ABHD12: variants seen among roughly 807,000 people sequenced by gnomAD.
ABHD12 encodes the protein abhydrolase domain containing 12, lysophospholipase, also known as lysophosphatidylserine lipase ABHD12.
ABHD12 carries 43 observed loss-of-function variants against 58.3 expected under a neutral mutation model. The ratio of observed to expected loss-of-function variants is 0.74; its 90% CI spans 0.58 to 0.95. The LOEUF (loss-of-function observed/expected upper bound fraction) is 0.95. ABHD12 is among the 40% of genes least tolerant of loss of function. The pLI is 0.00. For synonymous variants in ABHD12, 219 were observed against 211.2 expected, an observed-to-expected ratio of 1.04 and a Z score of -0.32; for missense variants, 539 against 537.2, an observed-to-expected ratio of 1.00 and a Z score of -0.03.
rs188918838 is a variant in ABHD12, at chr20:25,294,827, T to G, written c.*146A>C. 8.0e-5 allele frequency: 66 copies of G among 828,386 alleles called. 1 individual carries two copies. Among genetic ancestry groups the G allele is most frequent in the Non-Finnish European group, 1.2e-4 (58 of 477,048 alleles). The allele number at this position is 828,386 out of a possible 1,614,324, so 51.3% of individuals were successfully genotyped here. On this transcript the variant is annotated 3_prime_UTR_variant, in exon 13 of 13. Coordinates refer to the ABHD12 transcript ENST00000376542. ...CTAGAGTTACAGACTTTGTAAGGTT[T>G]GCAGCTCAGGGCAGTTCTTCACCGT...
At chr20:25,299,548 C>T (rs1162357891), downstream of ABHD12, among the ~76,000 whole-genome samples, 1 of 152,048 alleles carries the variant, frequency 6.6e-6, no homozygotes, top group Non-Finnish European at 1.5e-5. Context: ...AGTGGGTCAC[C>T]TCTGCTTCGT....
At chr20:25,330,666 G>A (rs376181704) in intron 2 of ABHD12, among the ~76,000 whole-genome samples, 6 of 152,182 alleles carry the variant, frequency 3.9e-5, no homozygotes, top group East Asian at 1.9e-4. Context: ...CCTGACCCCC[G>A]AGCAGCCTAA....
chr20:25,312,195 T>G (rs534372012), intron 6 of ABHD12, among the ~76,000 whole-genome samples: 26 of 151,574 alleles, frequency 1.7e-4, no homozygotes, highest in Admixed American at 3.3e-4. Context: ...GGTCTCCCTC[T>G]CCCTCTCTTT....
intron 12 of ABHD12, 91 bp from the exon 13 acceptor site, chr20:25,300,975 G>C (rs2088625689): frequency 5.7e-6 from 8 of 1,394,096 alleles, no homozygotes; most frequent in African/African-American, 1.4e-5. Context: ...AGGAAGCAGA[G>C]GCTGTGCAGA....
chr20:25,326,155 G>GAGGA (rs796686857), intron 2 of ABHD12, among the ~76,000 whole-genome samples: 3 of 144,822 alleles, frequency 2.1e-5, no homozygotes, highest in East Asian at 2.1e-4. Flanking sequence ...AGAGAAGAGA[G>GAGGA]AGGAAGGAAG....
intron 11 of ABHD12, chr20:25,303,137 C>G (rs1170455107): frequency 2.2e-5 from 19 of 858,856 alleles, no homozygotes; most frequent in Middle Eastern, 5.2e-4. Flanking sequence ...ACTGTGACCC[C>G]TGCAATGGGC....
At chr20:25,348,684 T>C (rs1334604707) in intron 1 of ABHD12, among the ~76,000 whole-genome samples, 1 of 152,030 alleles carries the variant, frequency 6.6e-6, no homozygotes, top group Non-Finnish European at 1.5e-5. Flanking sequence ...AAAAAACTAA[T>C]TAAACCTTTC....
intron 1 of ABHD12, among the ~76,000 whole-genome samples, chr20:25,387,168 A>G (rs2090102086): frequency 6.6e-6 from 1 of 152,246 alleles, no homozygotes; most frequent in South Asian, 2.1e-4. Flanking sequence ...CTTAAATGGC[A>G]AAAACACTAA....
chr20:25,311,995 A>G (rs1600776343), intron 6 of ABHD12, among the ~76,000 whole-genome samples: 1 of 151,944 alleles, frequency 6.6e-6, no homozygotes, highest in East Asian at 2.0e-4. Flanking sequence ...GGCGTGAGCC[A>G]CCGTGCCCAG....
chr20:25,299,090 C>CTG (rs10627378), downstream of ABHD12, among the ~76,000 whole-genome samples: 98,940 of 151,978 alleles, frequency 0.65, 33,830 homozygotes, highest in East Asian at 0.99. Flanking sequence ...TCTGCATCAT[C>CTG]TCAGTTTTGT....
intron 1 of ABHD12, among the ~76,000 whole-genome samples, chr20:25,381,556 T>C (rs928933427): frequency 2.0e-5 from 3 of 152,030 alleles, no homozygotes; most frequent in Non-Finnish European, 4.4e-5. Context: ...AGACTCTTAA[T>C]TGTTTGGGGC....
At chr20:25,310,276 T>A (rs538481454) in intron 6 of ABHD12, 1 of 152,528 alleles carries the variant, frequency 6.6e-6, no homozygotes, top group East Asian at 1.9e-4. Flanking sequence ...GGAGGGCATT[T>A]CTGGGTTCAA....
chr20:25,359,192 C>T (rs947085950), intron 1 of ABHD12, among the ~76,000 whole-genome samples: 2 of 151,106 alleles, frequency 1.3e-5, no homozygotes, highest in African/African-American at 2.4e-5. Flanking sequence ...GAGGCCGAGG[C>T]GGGTGGATCA....
intron 6 of ABHD12, among the ~76,000 whole-genome samples, chr20:25,312,433 G>A (rs1046896511): frequency 2.0e-5 from 3 of 150,594 alleles, no homozygotes; most frequent in African/African-American, 7.4e-5. Flanking sequence ...TGCCAGCATC[G>A]GCCTCCACAG....
At chr20:25,384,389 A>T (rs1264549999) in intron 1 of ABHD12, among the ~76,000 whole-genome samples, 5 of 151,296 alleles carry the variant, frequency 3.3e-5, no homozygotes, top group Non-Finnish European at 7.4e-5. Context: ...AATGTTAAAA[A>T]AGTTGGCAAT....
At chr20:25,338,911 C>T in intron 2 of ABHD12, 1 of 1,178,796 alleles carries the variant, frequency 8.5e-7, no homozygotes, top group Non-Finnish European at 1.1e-6. Flanking sequence ...TACGCTGGTC[C>T]CCCAGGGCAG....
Position 25,300,943 on chromosome 20 carries a change from A to G in ABHD12, c.1158-59T>C, listed in dbSNP as rs1038474068. ...GAGCTCAGACCAAAGATCCTTCTCC[A>G]CAGTCCTCACACTGCTATCTAAGGA... is the stretch of plus-strand genomic sequence containing the variant. On this transcript the variant is annotated intron_variant, in intron 12 of 12. Transcript: ENST00000339157. 2.3e-5 allele frequency: 36 copies of G among 1,545,554 alleles called. No homozygotes were observed. The African/African-American group carries it at 4.5e-4, about 19-fold the overall frequency.
chr20:25,346,120 A>T (rs575856966), intron 1 of ABHD12, among the ~76,000 whole-genome samples: 3 of 152,316 alleles, frequency 2.0e-5, no homozygotes, highest in Non-Finnish European at 4.4e-5. Context: ...ATGGAATATT[A>T]TTCAGTGCTA....
chr20:25,353,861 C>G (rs920393375), intron 1 of ABHD12, among the ~76,000 whole-genome samples: 1 of 152,210 alleles, frequency 6.6e-6, no homozygotes, highest in African/African-American at 2.4e-5. Flanking sequence ...AACGTCAGGC[C>G]GTGGTTTCTG....
Sources: allele counts gnomAD v4.1 joint callset (sites outside exome capture counted in the v4.1 genomes callset), GRCh38; gene constraint gnomAD v4.1.1; transcripts MANE v1.5; gene names NCBI Gene and HGNC (gene_info 2026-07-23, HGNC 2026-07-21).